ALMS1: variants seen among roughly 807,000 people sequenced by gnomAD.
ALMS1 encodes the protein centrosome-associated protein ALMS1.
A neutral mutation model predicts 352.2 loss-of-function variants in ALMS1; 271 were observed. The observed-to-expected ratio is 0.77, with a 90% CI of 0.70 to 0.85. ALMS1 has a LOEUF of 0.85. Ranked by LOEUF, ALMS1 falls within the 40% of genes least tolerant of loss-of-function variation. The probability of loss-of-function intolerance (pLI) is 0.00; values close to 1 mark genes in which losing one functional copy is unlikely to be tolerated. For synonymous variants in ALMS1, 1,865 were observed against 1,761.2 expected (o/e 1.06, Z -1.48); for missense variants, 5,445 against 4,870.7 (o/e 1.12, Z -3.51).
At chr2:73,500,459 A>C (rs1033226038) in intron 10 of ALMS1, among the ~76,000 whole-genome samples, 2 of 152,180 alleles carry the variant, frequency 1.3e-5, no homozygotes, top group African/African-American at 4.8e-5. Flanking sequence ...GTCACTCTTG[A>C]GACCACATTT....
chr2:73,512,752 T>A (rs1475917548), intron 10 of ALMS1, among the ~76,000 whole-genome samples: 1 of 152,202 alleles, frequency 6.6e-6, no homozygotes, highest in African/African-American at 2.4e-5. Context: ...CTCTATATCC[T>A]TTTTGTATGT....
chr2:73,409,277 T>C (rs1671031751), intron 2 of ALMS1, among the ~76,000 whole-genome samples: 1 of 152,106 alleles, frequency 6.6e-6, no homozygotes, highest in African/African-American at 2.4e-5. Flanking sequence ...ATTTTTATTT[T>C]TAGTTTAAAA....
At chr2:73,420,313 G>T (rs1671259137) in intron 3 of ALMS1, among the ~76,000 whole-genome samples, 2 of 152,178 alleles carry the variant, frequency 1.3e-5, no homozygotes, top group South Asian at 4.1e-4. Flanking sequence ...TATTATAATG[G>T]TGTAGAGCAG....
intron 1 of ALMS1, among the ~76,000 whole-genome samples, chr2:73,394,577 T>A (rs1349841962): frequency 6.6e-6 from 1 of 152,108 alleles, no homozygotes; most frequent in African/African-American, 2.4e-5. Flanking sequence ...CTCGAACTCC[T>A]GACTTCAAGT....
chr2:73,451,607 G>A lies in ALMS1; in HGVS notation c.5080G>A (p.Val1694Ile). The change falls in exon 8 of 23, where the codon GTT becomes ATT. Residue 1694 changes from valine to isoleucine, a missense_variant. Val to Ile is a conservative substitution (Grantham distance 29). Coordinates refer to ENST00000613296, the MANE Select transcript of ALMS1 (RefSeq NM_001378454.1). Reference sequence around the variant, plus strand: ...TGAAGAAGCTCTGAAAGTTCCACCTGTTCCTGGACCAGATGCCCAGAAGAC... The same window carrying A: ...TGAAGAAGCTCTGAAAGTTCCACCTATTCCTGGACCAGATGCCCAGAAGAC... Reference protein sequence around the residue: ...LPEEALKVPPVPGPDAQKTET... With the variant: ...LPEEALKVPPIPGPDAQKTET... 1 of 1,614,090 alleles carries A rather than the reference G, an allele frequency of 6.2e-7. No individual in the cohort carries two copies. Among genetic ancestry groups the A allele is most frequent in the Non-Finnish European group, 8.5e-7 (1 of 1,179,998 alleles).
Position 73,453,064 on chromosome 2 carries a change from C to T in ALMS1, c.6537C>T (p.Thr2179=), listed in dbSNP as rs371511963. ...CTCTTGGGCAAGCTGATCAAATTAC[C>T]GGATTACAAACAGTTCCCTCTGGTA... The part of the protein sequence containing the change: ...SSALGQADQI[T]GLQTVPSGTY... Residue 2179 remains threonine (T), a synonymous_variant, in exon 8 of 23, where the codon ACC becomes ACT. Coordinates refer to ENST00000613296, the MANE Select transcript of ALMS1 (RefSeq NM_001378454.1). The T allele has an allele frequency of 2.7e-4, 433 of 1,613,742 alleles. No individual in the cohort carries two copies. Among genetic ancestry groups the T allele is most frequent in the Non-Finnish European group, 3.2e-4 (378 of 1,179,994 alleles).
chr2:73,532,641 GCCCAGGGCA>G (rs1673939700), intron 11 of ALMS1, among the ~76,000 whole-genome samples: 1 of 152,132 alleles, frequency 6.6e-6, no homozygotes, highest in African/African-American at 2.4e-5. Context: ...CTCCCTTCTG[GCCCAGGGCA>G]GGTCCAGAAA....
intron 11 of ALMS1, among the ~76,000 whole-genome samples, chr2:73,531,940 A>G (rs1673924661): frequency 1.3e-5 from 2 of 152,182 alleles, no homozygotes. Flanking sequence ...ATCACCTCCC[A>G]CCAGGTCTCT....
intron 9 of ALMS1, among the ~76,000 whole-genome samples, chr2:73,465,837 C>A (rs543194502): frequency 6.6e-6 from 1 of 152,184 alleles, no homozygotes; most frequent in Non-Finnish European, 1.5e-5. Flanking sequence ...TATGAACAGA[C>A]ACTTCTCAAA....
At chr2:73,507,998 C>T (rs1378424727) in intron 10 of ALMS1, among the ~76,000 whole-genome samples, 1 of 152,070 alleles carries the variant, frequency 6.6e-6, no homozygotes, top group Non-Finnish European at 1.5e-5. Context: ...ATTGGTTTCA[C>T]AGAATTTATT....
At chr2:73,406,940 C>T (rs1670985118) in intron 1 of ALMS1, among the ~76,000 whole-genome samples, 1 of 152,198 alleles carries the variant, frequency 6.6e-6, no homozygotes, top group Admixed American at 6.5e-5. Flanking sequence ...TATTAGTACC[C>T]TGTTAACAAC....
At position 73,386,344 on chromosome 2, in the gene ALMS1, C is replaced by A. The variant is rs908436800; in HGVS notation, c.324+152C>A. The A allele has an allele frequency of 5.4e-6, 6 of 1,120,452 alleles. No homozygotes were observed. In the African/African-American group the frequency reaches 1.0e-4, roughly 19 times the overall value. The allele number at this position is 1,120,452 out of a possible 1,614,324, so 69.4% of individuals were successfully genotyped here. A position where few individuals can be genotyped will look rare whatever the true frequency, so the allele number is the denominator to read the frequency against. Reference sequence around the variant, plus strand: ...GCGGCCCAGACTCCAGCCCAGGTGCCGGCCGGCTGCTCCGCGTCTCCCAGG... The same window carrying A: ...GCGGCCCAGACTCCAGCCCAGGTGCAGGCCGGCTGCTCCGCGTCTCCCAGG... On this transcript the variant is annotated intron_variant, in intron 1 of 22. Transcript: ENST00000613296.
At chr2:73,549,552 A>G (rs946849317) in intron 12 of ALMS1, among the ~76,000 whole-genome samples, 2 of 152,148 alleles carry the variant, frequency 1.3e-5, no homozygotes, top group African/African-American at 2.4e-5. Context: ...CACTATTTTT[A>G]AATACTTCTT....
rs148485330 is a variant in ALMS1, at chr2:73,560,217, G to C, written c.10384+1075G>C. Among the ~76,000 whole-genome samples, 29 of 152,160 alleles carry C rather than the reference G, an allele frequency of 1.9e-4. No homozygotes were observed. In the East Asian group the frequency reaches 5.6e-3, roughly 29 times the overall value. Reference sequence around the variant, plus strand: ...CCAAACAACTTATTTTTAAAAACACGTAACTTATTTTAAAATGAGCAAAGG... The same window carrying C: ...CCAAACAACTTATTTTTAAAAACACCTAACTTATTTTAAAATGAGCAAAGG... On this transcript the variant is annotated intron_variant, in intron 15 of 22. Coordinates refer to ENST00000613296, the MANE Select transcript of ALMS1 (RefSeq NM_001378454.1).
chr2:73,529,523 A>G (rs139346699), intron 11 of ALMS1, among the ~76,000 whole-genome samples: 2,105 of 152,290 alleles, frequency 0.014, 104 homozygotes, highest in Admixed American at 0.083. Flanking sequence ...TGTAGTCTTC[A>G]CAGTCTGACT....
intron 16 of ALMS1, among the ~76,000 whole-genome samples, chr2:73,598,224 T>C (rs572101794): frequency 6.6e-6 from 1 of 152,198 alleles, no homozygotes; most frequent in Non-Finnish European, 1.5e-5. Flanking sequence ...CAAATCTAGG[T>C]ATGGTATGCT....
chr2:73,503,821 T>C (rs377278620), intron 10 of ALMS1, among the ~76,000 whole-genome samples: 5 of 152,298 alleles, frequency 3.3e-5, no homozygotes, highest in Admixed American at 6.5e-5. Flanking sequence ...AATAAGGTTG[T>C]GGCTGTTAGG....
At chr2:73,549,885 A>G (rs1320816568) in intron 12 of ALMS1, among the ~76,000 whole-genome samples, 1 of 152,054 alleles carries the variant, frequency 6.6e-6, no homozygotes, top group Non-Finnish European at 1.5e-5. Flanking sequence ...TTTAAGACCA[A>G]GTCTCACTCT....
intron 10 of ALMS1, among the ~76,000 whole-genome samples, chr2:73,517,947 C>A (rs1179354359): frequency 6.6e-6 from 1 of 152,188 alleles, no homozygotes; most frequent in Non-Finnish European, 1.5e-5. Flanking sequence ...CGTGAGCCAC[C>A]ACGCCTGACC....
Sources: allele counts gnomAD v4.1 joint callset (sites outside exome capture counted in the v4.1 genomes callset), GRCh38; gene constraint gnomAD v4.1.1; transcripts MANE v1.5; gene names NCBI Gene and HGNC (gene_info 2026-07-23, HGNC 2026-07-21).